The following RXRA variants were observed in gnomAD, a reference collection of about 807,000 sequenced individuals.
RXRA encodes the protein retinoic acid receptor RXR-alpha.
Under a neutral mutation model 44.5 loss-of-function variants are expected in RXRA, and 5 were observed. The observed-to-expected ratio is 0.11, with a 90% CI of 0.06 to 0.24. The LOEUF is 0.24. RXRA is among the 10% of genes least tolerant of loss of function. The pLI is 1.00. For missense variants in RXRA, 412 were observed against 646.5 expected, an observed-to-expected ratio of 0.64 and a Z score of 3.93; for synonymous variants, 291 against 271.4, an observed-to-expected ratio of 1.07 and a Z score of -0.71.
chr9:134,400,867 C>T (rs950010683), intron 1 of RXRA, among the ~76,000 whole-genome samples: 2 of 152,204 alleles, frequency 1.3e-5, no homozygotes, highest in Non-Finnish European at 2.9e-5. Flanking sequence ...GAGAGGTGCC[C>T]CATTCCACCC....
At chr9:134,331,242 G>A (rs148292776) in intron 1 of RXRA, among the ~76,000 whole-genome samples, 1 of 152,372 alleles carries the variant, frequency 6.6e-6, no homozygotes, top group East Asian at 1.9e-4. Context: ...GGTGCGAGAT[G>A]TTCTGAGCAG....
chr9:134,377,563 C>T (rs2119094630), intron 1 of RXRA, among the ~76,000 whole-genome samples: 1 of 152,324 alleles, frequency 6.6e-6, no homozygotes, highest in Non-Finnish European at 1.5e-5. Flanking sequence ...ACACCCACAC[C>T]CCCAGCTCCC....
chr9:134,381,315 G>C (rs553803881), intron 1 of RXRA, among the ~76,000 whole-genome samples: 25 of 146,514 alleles, frequency 1.7e-4, no homozygotes, highest in African/African-American at 6.9e-4. Flanking sequence ...GTAGAGCCCT[G>C]TCTGGAGGAG....
chr9:134,418,518 C>T (rs928834760), intron 5 of RXRA, among the ~76,000 whole-genome samples: 1 of 152,146 alleles, frequency 6.6e-6, no homozygotes, highest in African/African-American at 2.4e-5. Flanking sequence ...GTGCTGGGTG[C>T]GCCCTGCAGG....
chr9:134,337,048 G>C (rs1403442126), intron 1 of RXRA, among the ~76,000 whole-genome samples: 1 of 152,202 alleles, frequency 6.6e-6, no homozygotes, highest in African/African-American at 2.4e-5. Flanking sequence ...GGGTGCCCCT[G>C]CCTGTGGAGA....
chr9:134,410,920 A>G (rs1451589649), intron 4 of RXRA, among the ~76,000 whole-genome samples: 1 of 152,174 alleles, frequency 6.6e-6, no homozygotes, highest in East Asian at 1.9e-4. Context: ...TGATCATCAG[A>G]TAACCAGGGG....
At chr9:134,370,525 G>A (rs1224044853) in intron 1 of RXRA, among the ~76,000 whole-genome samples, 2 of 152,260 alleles carry the variant, frequency 1.3e-5, no homozygotes, top group Non-Finnish European at 2.9e-5. Flanking sequence ...CCCCGTAGAC[G>A]AAGGGCTCAT....
Position 134,342,700 on chromosome 9 carries a change from T to G in RXRA, c.28+16041T>G, listed in dbSNP as rs1554748234. Among the ~76,000 whole-genome samples, 1 of 152,068 alleles carries G rather than the reference T, an allele frequency of 6.6e-6. No individual in the cohort carries two copies. ...CCATGTGTGGTCTCCAGGGCTGAGA[T>G]GGCTGGTGTGGGCCGCCCTGACCTG... On this transcript the variant is annotated intron_variant, in intron 1 of 9. Coordinates refer to ENST00000481739, the MANE Select transcript of RXRA (RefSeq NM_002957.6). This position sits in a 1 kb window ranked among gnomAD's most constrained non-coding sequence, Gnocchi z 4.4.
chr9:134,376,667 C>T (rs576481521), intron 1 of RXRA, among the ~76,000 whole-genome samples: 14 of 12,220 alleles, frequency 1.1e-3, no homozygotes, highest in East Asian at 5.1e-3. Flanking sequence ...TGGTGCATCT[C>T]GGGTGCTCAG....
At chr9:134,432,432 C>T (rs1022849218) in intron 8 of RXRA, among the ~76,000 whole-genome samples, 1 of 152,232 alleles carries the variant, frequency 6.6e-6, no homozygotes. Flanking sequence ...CCCCAAGCCT[C>T]GGGTCCAGGG....
At chr9:134,406,534 G>A (rs1364860767) in intron 2 of RXRA, 1 of 152,230 alleles carries the variant, frequency 6.6e-6, no homozygotes, top group Admixed American at 6.5e-5. Flanking sequence ...AGAATCCGGA[G>A]CCAGGGATCC....
In RXRA at chr9:134,407,549, G is replaced by A. The variant is rs1418424783; in HGVS notation, c.280-600G>A. ...GTGCGGGCCGGCGGGTGGGGCGGAG[G>A]GGTGTGCAGAGAGGCCAGTGGTGTC... On this transcript the variant is annotated intron_variant, in intron 2 of 9. Coordinates refer to ENST00000481739, the MANE Select transcript of RXRA (RefSeq NM_002957.6). This position sits in a 1 kb window ranked among gnomAD's most constrained non-coding sequence, Gnocchi z 4.8. Among the ~76,000 whole-genome samples the A allele has an allele frequency of 2.0e-5, 3 of 152,208 alleles. No individual in the cohort carries two copies. The highest frequency in any genetic ancestry group is 1.3e-4 in the Admixed American group (2 of 15,286).
chr9:134,401,957 C>G lies in RXRA; in HGVS notation c.279+75C>G, dbSNP rs781003011. 1.0e-5 allele frequency: 13 copies of G among 1,263,324 alleles called. No individual in the cohort carries two copies. The Admixed American group carries it at 3.2e-4, about 31-fold the overall frequency. 78.3% of individuals were successfully genotyped at this position (1,263,324 alleles called of 1,614,324 possible). ...TGTGGCTTCAACTGCAGGACGACCG[C>G]CTCATCTTGAGGCCTCTGGGAGGTA... is the stretch of plus-strand genomic sequence containing the variant. On this transcript the variant is annotated intron_variant, in intron 2 of 9. Coordinates refer to ENST00000481739, the MANE Select transcript of RXRA (RefSeq NM_002957.6).
intron 4 of RXRA, among the ~76,000 whole-genome samples, chr9:134,410,407 T>C (rs1011171760): frequency 1.3e-5 from 2 of 152,222 alleles, no homozygotes; most frequent in African/African-American, 4.8e-5. Context: ...TGCTGGGCCC[T>C]GGCCCCCATC....
At chr9:134,367,693 GCA>G (rs1329931006) in intron 1 of RXRA, among the ~76,000 whole-genome samples, 3 of 152,340 alleles carry the variant, frequency 2.0e-5, no homozygotes, top group Admixed American at 2.0e-4. Context: ...GGTGTGTGGG[GCA>G]CCATGGTCCC....
rs546621217 is a variant in RXRA, at chr9:134,339,733, G to C, written c.28+13074G>C. ...TGTGTGTTTGAGCCTGTGTGTGTGT[G>C]TCTATGTGTGAGATCCCGTGTGTGT... On this transcript the variant is annotated intron_variant, in intron 1 of 9. Transcript: ENST00000481739. 1.4e-3 allele frequency among the ~76,000 whole-genome samples: 209 copies of C among 149,758 alleles called. 1 individual carries two copies. Among genetic ancestry groups the C allele is most frequent in the African/African-American group, 5.0e-3 (201 of 39,958 alleles).
At chr9:134,396,432 C>T (rs1418966671) in intron 1 of RXRA, among the ~76,000 whole-genome samples, 2 of 152,160 alleles carry the variant, frequency 1.3e-5, no homozygotes, top group African/African-American at 4.8e-5. Context: ...AGCAGTACTT[C>T]CGGAGGTGGG....
rs2119041236 is a variant in RXRA at position 134,349,937 on chromosome 9, C to T, written c.28+23278C>T. Among the ~76,000 whole-genome samples, 1 of 152,292 alleles carries T rather than the reference C, an allele frequency of 6.6e-6. No homozygotes were observed. The highest frequency in any genetic ancestry group is 6.5e-5 in the Admixed American group (1 of 15,310). On this transcript the variant is annotated intron_variant, in intron 1 of 9. Transcript: ENST00000481739. This position sits in a 1 kb window ranked among gnomAD's most constrained non-coding sequence, Gnocchi z 4.3. Reference sequence around the variant, plus strand: ...TCCTGTTTGGGTCAGCTCCTGGCTGCAGCTGGTGTCTGGAGGTCCCCAGGC... The same window carrying T: ...TCCTGTTTGGGTCAGCTCCTGGCTGTAGCTGGTGTCTGGAGGTCCCCAGGC...
At position 134,343,892 on chromosome 9, in the gene RXRA, C is replaced by T. The variant is rs368769414; in HGVS notation, c.28+17233C>T. 1.3e-5 allele frequency among the ~76,000 whole-genome samples: 2 copies of T among 152,202 alleles called. No individual in the cohort carries two copies. The highest frequency in any genetic ancestry group is 2.9e-5 in the Non-Finnish European group (2 of 68,030). Reference sequence around the variant, plus strand: ...ATGGGCTCCTCTGGCGTCTTCTCACCTTCTGGCCGGTCATTGGCCCTCGTG... The same window carrying T: ...ATGGGCTCCTCTGGCGTCTTCTCACTTTCTGGCCGGTCATTGGCCCTCGTG... On this transcript the variant is annotated intron_variant, in intron 1 of 9. Transcript: ENST00000481739. This position sits in a 1 kb window ranked among gnomAD's most constrained non-coding sequence, Gnocchi z 4.1.
Sources: gnomAD v4.1 joint callset for allele counts (sites outside exome capture counted in the v4.1 genomes callset) on GRCh38, gnomAD v4.1.1 for gene constraint, Gnocchi (gnomAD v3.1) non-coding constraint, MANE v1.5 for transcripts, NCBI Gene and HGNC (gene_info 2026-07-23, HGNC 2026-07-21) for gene names.